TMEM98: variants seen among roughly 807,000 people sequenced by gnomAD.
TMEM98 encodes transmembrane protein 98.
A neutral mutation model predicts 25.0 loss-of-function variants in TMEM98; 18 were observed. That is an observed-to-expected ratio of 0.72 (90% CI 0.50 to 1.07). The LOEUF (loss-of-function observed/expected upper bound fraction) is 1.07, where lower values mean the gene tolerates loss of function less well. Ranked by LOEUF, TMEM98 falls within the 50% of genes least tolerant of loss-of-function variation. TMEM98 has a pLI of 0.00. For synonymous variants in TMEM98, 103 were observed against 112.4 expected (o/e 0.92, Z 0.53); for missense variants, 241 against 289.0 (o/e 0.83, Z 1.20).
intron 3 of TMEM98, 35 bp downstream of exon 3, chr17:32,931,694 G>A: frequency 6.3e-7 from 1 of 1,592,340 alleles, no homozygotes. Flanking sequence ...GAGGAGGGGT[G>A]GGCTCTAACT....
rs964333470 is a variant in TMEM98, at chr17:32,934,480, C to G, written c.297+156C>G. 8 of 708,342 alleles carry G rather than the reference C, an allele frequency of 1.1e-5. No individual in the cohort carries two copies. In the African/African-American group the frequency reaches 1.3e-4, roughly 11 times the overall value. The allele number at this position is 708,342 out of a possible 1,614,324, so 43.9% of individuals were successfully genotyped here. A position where few individuals can be genotyped will look rare whatever the true frequency, so the allele number is the denominator to read the frequency against. ...GAATTTTTGTGGTTTACTTCCCCCCCTGCCTGGACTGGCTGTTCACAGAAT... is the reference window on the plus strand; with the variant it reads ...GAATTTTTGTGGTTTACTTCCCCCCGTGCCTGGACTGGCTGTTCACAGAAT... On this transcript the variant is annotated intron_variant, in intron 5 of 7. Coordinates refer to ENST00000579849, the MANE Select transcript of TMEM98 (RefSeq NM_015544.3).
At chr17:32,930,147 T>TG (rs1261598110) in intron 1 of TMEM98, among the ~76,000 whole-genome samples, 2 of 151,222 alleles carry the variant, frequency 1.3e-5, no homozygotes, top group Non-Finnish European at 2.9e-5. Context: ...TTTTTTCACG[T>TG]GGGGAAATTA....
chr17:32,940,799 C>G lies in TMEM98; in HGVS notation c.487C>G (p.Leu163Val), dbSNP rs1034089880. 6.2e-7 allele frequency: 1 copy of G among 1,613,998 alleles called. No homozygotes were observed. The highest frequency in any genetic ancestry group is 8.5e-7 in the Non-Finnish European group (1 of 1,179,934). Residue 163 changes from leucine to valine, a missense_variant, in exon 8 of 8, where the codon CTC (leucine) becomes GTC (valine). Leu to Val is a conservative substitution (Grantham distance 32). Coordinates refer to ENST00000579849, the MANE Select transcript of TMEM98 (RefSeq NM_015544.3). ...KLLDARTTAL[L>V]LSVSHLVLVT... ...TTTTTTCCCTAGGACGACTGCCCTG[C>G]TCCTGTCTGTCAGTCACCTGGTGCT... is the stretch of plus-strand genomic sequence containing the variant.
chr17:32,934,218 G>A (rs2091484043), intron 4 of TMEM98, 73 bp from the exon 5 acceptor site: 2 of 1,575,452 alleles, frequency 1.3e-6, no homozygotes, highest in Non-Finnish European at 1.7e-6. Context: ...GGCAAGTTGA[G>A]AAGCAAGGGT....
intron 6 of TMEM98, among the ~76,000 whole-genome samples, chr17:32,938,753 C>A (rs964556697): frequency 6.6e-6 from 1 of 152,168 alleles, no homozygotes; most frequent in African/African-American, 2.4e-5. Flanking sequence ...TACTCCCTCC[C>A]AATTGTAGGA....
At chr17:32,932,495 G>A (rs139796894) in intron 3 of TMEM98, among the ~76,000 whole-genome samples, 282 of 152,268 alleles carry the variant, frequency 1.9e-3, no homozygotes, top group African/African-American at 6.0e-3. Context: ...TTGATAGACC[G>A]TTCAGGGATT....
In TMEM98 at chr17:32,941,047, C is replaced by T; in HGVS notation, c.*54C>T. ...GGCCCCTGCCGCCATCCCTGGATGGCTCAGCTTAGCCTTCTACTTTTTCCT... is the reference window on the plus strand; with the variant it reads ...GGCCCCTGCCGCCATCCCTGGATGGTTCAGCTTAGCCTTCTACTTTTTCCT... On this transcript the variant is annotated 3_prime_UTR_variant, in exon 8 of 8. Coordinates refer to ENST00000579849, the MANE Select transcript of TMEM98 (RefSeq NM_015544.3). 2 of 1,466,016 alleles carry T rather than the reference C, an allele frequency of 1.4e-6. No individual in the cohort carries two copies. Among genetic ancestry groups the T allele is most frequent in the Non-Finnish European group, 1.8e-6 (2 of 1,082,834 alleles). The allele number at this position is 1,466,016 out of a possible 1,614,324, so 90.8% of individuals were successfully genotyped here.
intron 4 of TMEM98, 112 bp downstream of exon 4, chr17:32,933,417 C>A: frequency 7.0e-7 from 1 of 1,418,610 alleles, no homozygotes; most frequent in Non-Finnish European, 9.7e-7. Flanking sequence ...CTGTTACTTG[C>A]TGCTCTTTCC....
rs951006762 is a variant in TMEM98 at position 32,934,478 on chromosome 17, C to G, written c.297+154C>G. 3 of 738,918 alleles carry G rather than the reference C, an allele frequency of 4.1e-6. No individual in the cohort carries two copies. In the Admixed American group the frequency reaches 7.6e-5, roughly 19 times the overall value. The allele number at this position is 738,918 out of a possible 1,614,324, so 45.8% of individuals were successfully genotyped here. On this transcript the variant is annotated intron_variant, in intron 5 of 7. Transcript: ENST00000579849. Reference sequence around the variant, plus strand: ...TGGAATTTTTGTGGTTTACTTCCCCCCCTGCCTGGACTGGCTGTTCACAGA... The same window carrying G: ...TGGAATTTTTGTGGTTTACTTCCCCGCCTGCCTGGACTGGCTGTTCACAGA...
chr17:32,931,446 G>C, intron 2 of TMEM98, 29 bp from the exon 3 acceptor site: 1 of 1,535,092 alleles, frequency 6.5e-7, no homozygotes, highest in Non-Finnish European at 8.8e-7. Flanking sequence ...TTCTTGACCA[G>C]ATCTGCTCTG....
intron 6 of TMEM98, among the ~76,000 whole-genome samples, chr17:32,939,151 A>C (rs774957052): frequency 9.9e-5 from 15 of 152,206 alleles, no homozygotes; most frequent in Non-Finnish European, 2.1e-4. Flanking sequence ...ACGTGCCTGT[A>C]ATCCCAGCAC....
chr17:32,934,556 A>G (rs181913788), intron 5 of TMEM98, among the ~76,000 whole-genome samples: 2 of 152,092 alleles, frequency 1.3e-5, no homozygotes, highest in African/African-American at 2.4e-5. Flanking sequence ...TAATTCAATG[A>G]CCTGTGGGAA....
Position 32,941,191 on chromosome 17 carries a change from C to CT in TMEM98, c.*199dup, listed in dbSNP as rs2091529225. The CT allele has an allele frequency of 1.8e-6, 1 of 544,366 alleles. No homozygotes were observed. The highest frequency in any genetic ancestry group is 3.3e-6 in the Non-Finnish European group (1 of 307,234). 33.7% of individuals were successfully genotyped at this position (544,366 alleles called of 1,614,324 possible). A position where few individuals can be genotyped will look rare whatever the true frequency, so the allele number is the denominator to read the frequency against. On this transcript the variant is annotated 3_prime_UTR_variant, in exon 8 of 8. Transcript: ENST00000579849. ...CAAACTGTGGCTGGTGAGTGGCAGT[C>CT]TAATACTACAGTTAGGGGAGATGCC...
At chr17:32,935,870 A>G (rs202009737) in intron 5 of TMEM98, among the ~76,000 whole-genome samples, 23 of 152,272 alleles carry the variant, frequency 1.5e-4, no homozygotes, top group African/African-American at 4.1e-4. Flanking sequence ...ACCTGAGACA[A>G]TTGTTGAAAT....
chr17:32,939,953 C>T (rs1225814867), intron 7 of TMEM98, among the ~76,000 whole-genome samples: 6 of 152,208 alleles, frequency 3.9e-5, no homozygotes, highest in African/African-American at 1.4e-4. Context: ...TCAGCCACAG[C>T]TGTGCTCACC....
chr17:32,928,672 A>G (rs2091446461), intron 1 of TMEM98, among the ~76,000 whole-genome samples: 1 of 152,118 alleles, frequency 6.6e-6, no homozygotes, highest in South Asian at 2.1e-4. Flanking sequence ...GACTGCAGAG[A>G]AGGACCACGA....
intron 6 of TMEM98, among the ~76,000 whole-genome samples, chr17:32,938,293 T>C (rs984838695): frequency 2.6e-5 from 4 of 152,188 alleles, no homozygotes; most frequent in African/African-American, 9.7e-5. Context: ...GTTGATGGCC[T>C]GTGAGTCTCG....
In TMEM98 at chr17:32,934,268, A is replaced by T; in HGVS notation, c.264-23A>T. The T allele has an allele frequency of 3.1e-6, 5 of 1,614,036 alleles. 1 individual carries two copies. Among genetic ancestry groups the T allele is most frequent in the Non-Finnish European group, 4.2e-6 (5 of 1,179,974 alleles). ...GGTGGGCCCCTCCAGATGAGCACTG[A>T]TGACTTCTTCTTGTTTCCCCAGGGG... On this transcript the variant is annotated intron_variant, in intron 4 of 7. Coordinates refer to ENST00000579849, the MANE Select transcript of TMEM98 (RefSeq NM_015544.3).
At position 32,931,498 on chromosome 17, in the gene TMEM98, A is replaced by G. The variant is rs752631568; in HGVS notation, c.-31A>G. 20 of 1,599,510 alleles carry G rather than the reference A, an allele frequency of 1.3e-5. No homozygotes were observed. The highest frequency in any genetic ancestry group is 1.7e-5 in the Non-Finnish European group (20 of 1,173,326). On this transcript the variant is annotated 5_prime_UTR_variant, in exon 3 of 8. An upstream open reading frame in the 5' UTR loses its in-frame stop. Transcript: ENST00000579849. ...AGCTTTAGCCCATGAGGAGGATGTG[A>G]CCGGGACTGAGTCAGGAGCCCTCTG...
Sources: gnomAD v4.1 joint callset for allele counts (sites outside exome capture counted in the v4.1 genomes callset) on GRCh38, gnomAD v4.1.1 for gene constraint, MANE v1.5 for transcripts, NCBI Gene and HGNC (gene_info 2026-07-23, HGNC 2026-07-21) for gene names.